The following DLG2 variants were observed in gnomAD, a reference collection of about 807,000 sequenced individuals.
DLG2 encodes discs large MAGUK scaffold protein 2.
DLG2 carries 45 observed loss-of-function variants against 132.5 expected under a neutral mutation model. That is an observed-to-expected ratio of 0.34 (90% CI 0.27 to 0.44). The LOEUF is 0.44. Among genes scored for constraint, DLG2 ranks in the 20% least tolerant of loss-of-function variants. DLG2 has a pLI of 1.00. For synonymous variants in DLG2, 424 were observed against 419.6 expected (o/e 1.01, Z -0.13); for missense variants, 1,045 against 1,196.9 (o/e 0.87, Z 1.87).
chr11:83,842,143 TG>T lies in DLG2; in HGVS notation c.1566-8374del, dbSNP rs1411223069. On this transcript the variant is annotated intron_variant, in intron 16 of 27. Coordinates refer to ENST00000376104, the MANE Select transcript of DLG2 (RefSeq NM_001142699.3). ...CTGAGCGAATGGAGAAATGCCAGCC[TG>T]ACCTGCTGCAAGCTGTGACAGATCA... Among the ~76,000 whole-genome samples the T allele has an allele frequency of 2.0e-5, 3 of 152,344 alleles. No homozygotes were observed. In the East Asian group the frequency reaches 5.8e-4, roughly 29 times the overall value.
intron 8 of DLG2, among the ~76,000 whole-genome samples, chr11:84,223,448 T>A (rs1373160581): frequency 2.6e-5 from 4 of 152,184 alleles, no homozygotes; most frequent in Admixed American, 1.3e-4. Flanking sequence ...AGTGTCATGT[T>A]ACTTGGTGGT....
intron 18 of DLG2, among the ~76,000 whole-genome samples, chr11:83,783,394 A>G (rs1473684596): frequency 6.6e-6 from 1 of 152,264 alleles, no homozygotes; most frequent in Non-Finnish European, 1.5e-5. Context: ...TATAATTATC[A>G]CAAAAATATG....
intron 11 of DLG2, among the ~76,000 whole-genome samples, chr11:83,981,579 T>A (rs2092784002): frequency 6.6e-6 from 1 of 152,008 alleles, no homozygotes; most frequent in Non-Finnish European, 1.5e-5. Context: ...GTAGCTGGGA[T>A]AACAGGCACA....
intron 6 of DLG2, among the ~76,000 whole-genome samples, chr11:84,827,676 C>CAAAAAAAAAAAAAAAAAAAAAAAA (rs398016953): frequency 5.7e-5 from 2 of 35,088 alleles, no homozygotes; most frequent in African/African-American, 1.4e-4. Flanking sequence ...TACATACAGT[C>CAAAAAAAAAAAAAAAAAAAAAAAA]AAAAAAAAAA....
chr11:85,098,750 T>C (rs909862379), intron 6 of DLG2, among the ~76,000 whole-genome samples: 10 of 151,778 alleles, frequency 6.6e-5, no homozygotes, highest in African/African-American at 2.4e-4. Context: ...TCATGTTTAT[T>C]TTTTTTTACC....
At chr11:84,576,674 T>G (rs1328928585) in intron 6 of DLG2, among the ~76,000 whole-genome samples, 1 of 152,196 alleles carries the variant, frequency 6.6e-6, no homozygotes, top group Non-Finnish European at 1.5e-5. Context: ...GGGTGAGGTG[T>G]GCAAGTAATG....
intron 4 of DLG2, among the ~76,000 whole-genome samples, chr11:85,168,271 A>G (rs954180717): frequency 2.6e-5 from 4 of 152,176 alleles, no homozygotes; most frequent in Non-Finnish European, 5.9e-5. Flanking sequence ...TCAAAAATGA[A>G]GTGCAGACAA....
At chr11:85,613,566 T>C (rs2081146772) in intron 2 of DLG2, among the ~76,000 whole-genome samples, 2 of 152,128 alleles carry the variant, frequency 1.3e-5, no homozygotes. Flanking sequence ...TCTCTGTGTC[T>C]AGCTAAAGGA....
chr11:84,753,532 G>A (rs1193419188), intron 6 of DLG2, among the ~76,000 whole-genome samples: 1 of 152,146 alleles, frequency 6.6e-6, no homozygotes, highest in Non-Finnish European at 1.5e-5. Context: ...TTTGGCCTGG[G>A]AAGATCCTAA....
intron 19 of DLG2, among the ~76,000 whole-genome samples, chr11:83,573,205 A>C (rs1195031994): frequency 6.6e-6 from 1 of 152,200 alleles, no homozygotes; most frequent in Non-Finnish European, 1.5e-5. Flanking sequence ...AAGTTATGTA[A>C]CATGTGATTT....
At chr11:84,114,507 T>C (rs1566563322) in intron 9 of DLG2, among the ~76,000 whole-genome samples, 2 of 152,168 alleles carry the variant, frequency 1.3e-5, no homozygotes, top group South Asian at 4.1e-4. Flanking sequence ...AGGATGGAGA[T>C]GGATCTATCA....
chr11:84,745,983 G>A (rs180691789), intron 6 of DLG2, among the ~76,000 whole-genome samples: 2 of 152,286 alleles, frequency 1.3e-5, no homozygotes, highest in Non-Finnish European at 1.5e-5. Flanking sequence ...CAGGTGGATT[G>A]CTGAACCACA....
intron 6 of DLG2, among the ~76,000 whole-genome samples, chr11:84,803,714 T>C (rs1347836920): frequency 6.6e-6 from 1 of 152,232 alleles, no homozygotes; most frequent in Non-Finnish European, 1.5e-5. Flanking sequence ...GCATTGATGT[T>C]TGACAAATGA....
intron 3 of DLG2, among the ~76,000 whole-genome samples, chr11:85,585,505 A>C (rs1041423675): frequency 6.6e-6 from 1 of 152,072 alleles, no homozygotes; most frequent in African/African-American, 2.4e-5. Flanking sequence ...TCTCAAGGGG[A>C]GTGCTTTCAA....
chr11:85,267,359 C>A lies in DLG2; in HGVS notation c.186+17861G>T, dbSNP rs77187493. ...ATAAATGTTTGTTGTTTAACCCACC[C>A]AGTCTATGGCATTCTGTTTTGGCAG... is the stretch of plus-strand genomic sequence containing the variant. On this transcript the variant is annotated intron_variant, in intron 4 of 27. Coordinates refer to ENST00000376104, the MANE Select transcript of DLG2 (RefSeq NM_001142699.3). 1.7e-3 allele frequency among the ~76,000 whole-genome samples: 260 copies of A among 152,314 alleles called. 2 individuals carry two copies. The highest frequency in any genetic ancestry group is 6.0e-3 in the African/African-American group (250 of 41,568).
chr11:84,817,237 A>G (rs1359185056), intron 6 of DLG2, among the ~76,000 whole-genome samples: 1 of 152,008 alleles, frequency 6.6e-6, no homozygotes, highest in East Asian at 1.9e-4. Flanking sequence ...GAGTGGCTCA[A>G]AGCAAGTTAC....
chr11:84,429,337 C>A (rs2098977002), intron 7 of DLG2, among the ~76,000 whole-genome samples: 1 of 152,146 alleles, frequency 6.6e-6, no homozygotes, highest in Non-Finnish European at 1.5e-5. Flanking sequence ...GGGGAGGAAT[C>A]TGCTTGCAGA....
At chr11:85,513,266 C>A (rs746913829) in intron 3 of DLG2, among the ~76,000 whole-genome samples, 15 of 151,906 alleles carry the variant, frequency 9.9e-5, no homozygotes, top group Non-Finnish European at 1.9e-4. Context: ...GCAATGGGAT[C>A]ATTAGAAGCC....
At chr11:85,370,879 T>C (rs1297236644) in intron 3 of DLG2, among the ~76,000 whole-genome samples, 1 of 152,194 alleles carries the variant, frequency 6.6e-6, no homozygotes, top group African/African-American at 2.4e-5. Context: ...GTTATATATA[T>C]AATGCTAATA....
Sources: allele counts gnomAD v4.1 joint callset (sites outside exome capture counted in the v4.1 genomes callset), GRCh38; gene constraint gnomAD v4.1.1; transcripts MANE v1.5; gene names NCBI Gene and HGNC (gene_info 2026-07-23, HGNC 2026-07-21).